Variants in CUX2 observed in about 807,000 individuals in gnomAD.
CUX2 encodes the protein cut like homeobox 2, also known as homeobox protein cut-like 2.
Under a neutral mutation model 144.8 loss-of-function variants are expected in CUX2, and 40 were observed. The ratio of observed to expected loss-of-function variants is 0.28; its 90% CI spans 0.21 to 0.36. The LOEUF is 0.36. Among genes scored for constraint, CUX2 ranks in the 10% least tolerant of loss-of-function variants. The pLI is 1.00. For missense variants in CUX2, 1,615 were observed against 1,994.0 expected (o/e 0.81, Z 3.62); for synonymous variants, 827 against 875.6 (o/e 0.94, Z 0.98).
At chr12:111,300,311 C>T (rs897005114) in intron 9 of CUX2, among the ~76,000 whole-genome samples, 1 of 152,090 alleles carries the variant, frequency 6.6e-6, no homozygotes, top group Non-Finnish European at 1.5e-5. Flanking sequence ...TGTAGAGATG[C>T]GGTTTTGCCA....
At chr12:111,102,047 C>CT (rs1566221499) in intron 1 of CUX2, among the ~76,000 whole-genome samples, 1 of 152,218 alleles carries the variant, frequency 6.6e-6, no homozygotes, top group Non-Finnish European at 1.5e-5. Context: ...ACAATATCCT[C>CT]TTTTTTTAAA....
intron 1 of CUX2, among the ~76,000 whole-genome samples, chr12:111,198,870 G>A (rs1389393685): frequency 1.3e-5 from 2 of 152,214 alleles, no homozygotes; most frequent in Non-Finnish European, 2.9e-5. Flanking sequence ...TGGGCAGAGA[G>A]GGGCCCCCCT....
At chr12:111,303,796 C>G (rs954245202) in intron 9 of CUX2, among the ~76,000 whole-genome samples, 1 of 152,146 alleles carries the variant, frequency 6.6e-6, no homozygotes, top group Non-Finnish European at 1.5e-5. Context: ...CAGCTCTTGC[C>G]TTCAGACTAG....
chr12:111,137,299 A>G (rs749020234), intron 1 of CUX2, among the ~76,000 whole-genome samples: 15 of 152,202 alleles, frequency 9.9e-5, no homozygotes, highest in Non-Finnish European at 1.9e-4. Flanking sequence ...GACAGAGGCA[A>G]GAGAAGTATT....
chr12:111,164,724 A>C (rs915358634), intron 1 of CUX2, among the ~76,000 whole-genome samples: 1 of 152,198 alleles, frequency 6.6e-6, no homozygotes, highest in Non-Finnish European at 1.5e-5. Flanking sequence ...TGAAACCTTG[A>C]GGCACAGAGG....
intron 16 of CUX2, among the ~76,000 whole-genome samples, chr12:111,316,099 G>T (rs1184245089): frequency 6.7e-6 from 1 of 148,790 alleles, no homozygotes; most frequent in East Asian, 2.0e-4. Flanking sequence ...GCAAGTATGA[G>T]TTTTTTTTAA....
chr12:111,088,667 G>A (rs1321395829), intron 1 of CUX2, among the ~76,000 whole-genome samples: 1 of 152,202 alleles, frequency 6.6e-6, no homozygotes, highest in East Asian at 1.9e-4. Flanking sequence ...GAGCTTAAGG[G>A]ACTTGTCTGA....
chr12:111,335,113 G>C (rs1001225399), intron 19 of CUX2, among the ~76,000 whole-genome samples: 1 of 152,016 alleles, frequency 6.6e-6, no homozygotes, highest in Non-Finnish European at 1.5e-5. Context: ...ATTAATGGCT[G>C]TGCATGGTGG....
chr12:111,160,525 G>A lies in CUX2; in HGVS notation c.64-53675G>A, dbSNP rs1443785253. Among the ~76,000 whole-genome samples, 2 of 152,276 alleles carry A rather than the reference G, an allele frequency of 1.3e-5. No homozygotes were observed. The highest frequency in any genetic ancestry group is 3.9e-4 in the East Asian group (2 of 5,174). On this transcript the variant is annotated intron_variant, in intron 1 of 21. Transcript: ENST00000261726. This position sits in a 1 kb window ranked among gnomAD's most constrained non-coding sequence, Gnocchi z 4.1. ...AGGGCCCTTCCTGGTCCAAGAACTC[G>A]CGTGACCCGGCACAGAGGGGGCGCG...
chr12:111,331,068 T>C (rs995478666), intron 18 of CUX2, among the ~76,000 whole-genome samples: 1 of 151,236 alleles, frequency 6.6e-6, no homozygotes, highest in African/African-American at 2.4e-5. Context: ...GGAGCCTAGA[T>C]GTTTGTGAAG....
At chr12:111,262,516 C>A (rs1306689981) in intron 3 of CUX2, among the ~76,000 whole-genome samples, 1 of 151,558 alleles carries the variant, frequency 6.6e-6, no homozygotes, top group Non-Finnish European at 1.5e-5. Flanking sequence ...GTAGCTGGGA[C>A]AACAGGCACG....
intron 1 of CUX2, among the ~76,000 whole-genome samples, chr12:111,096,632 A>G (rs1872833256): frequency 6.6e-6 from 1 of 152,156 alleles, no homozygotes; most frequent in Admixed American, 6.5e-5. Flanking sequence ...CTTTCCCTCC[A>G]GAAAGCAAGG....
chr12:111,056,050 G>A (rs921035875), intron 1 of CUX2, among the ~76,000 whole-genome samples: 7 of 152,164 alleles, frequency 4.6e-5, no homozygotes, highest in Non-Finnish European at 8.8e-5. Context: ...TGGAGACCTC[G>A]GGGGCTGTTG....
intron 1 of CUX2, among the ~76,000 whole-genome samples, chr12:111,078,809 C>A (rs1161724764): frequency 1.3e-5 from 2 of 151,792 alleles, no homozygotes; most frequent in African/African-American, 2.4e-5. Context: ...GCTGGGAGAC[C>A]CCTGAGGGGT....
chr12:111,279,049 T>G (rs1885005857), intron 4 of CUX2, among the ~76,000 whole-genome samples: 1 of 152,180 alleles, frequency 6.6e-6, no homozygotes, highest in Admixed American at 6.5e-5. Flanking sequence ...CACTGTGCGC[T>G]GGGGGAGGAA....
chr12:111,106,796 C>T (rs1342460916), intron 1 of CUX2, among the ~76,000 whole-genome samples: 5 of 152,120 alleles, frequency 3.3e-5, no homozygotes, highest in African/African-American at 1.2e-4. Context: ...GGCACAAAGG[C>T]AGGGAGGCAT....
intron 1 of CUX2, among the ~76,000 whole-genome samples, chr12:111,151,341 T>C (rs1877039962): frequency 6.6e-6 from 1 of 152,234 alleles, no homozygotes; most frequent in Admixed American, 6.5e-5. Context: ...TTTAAATTGC[T>C]ACTGAAAAGG....
chr12:111,259,641 A>C (rs531050103), intron 3 of CUX2, among the ~76,000 whole-genome samples: 1 of 152,212 alleles, frequency 6.6e-6, no homozygotes, highest in Non-Finnish European at 1.5e-5. Flanking sequence ...AGGCAGGCAA[A>C]TCACTTGAGA....
At chr12:111,344,613 G>T (rs1054389446) in intron 21 of CUX2, among the ~76,000 whole-genome samples, 2 of 152,214 alleles carry the variant, frequency 1.3e-5, no homozygotes, top group African/African-American at 4.8e-5. Flanking sequence ...CCACTGGAGG[G>T]AGCTGAGGGA....
Sources: gnomAD v4.1 joint callset for allele counts (sites outside exome capture counted in the v4.1 genomes callset) on GRCh38, gnomAD v4.1.1 for gene constraint, Gnocchi (gnomAD v3.1) non-coding constraint, MANE v1.5 for transcripts, NCBI Gene and HGNC (gene_info 2026-07-23, HGNC 2026-07-21) for gene names.